The following GLIS3 variants were observed in gnomAD, a reference collection of about 807,000 sequenced individuals.
The protein encoded by GLIS3 is zinc finger protein GLIS3.
A neutral mutation model predicts 78.6 loss-of-function variants in GLIS3; 53 were observed. That is an observed-to-expected ratio of 0.67 (90% CI 0.54 to 0.85). The LOEUF (loss-of-function observed/expected upper bound fraction) is 0.85. Among genes scored for constraint, GLIS3 ranks in the 40% least tolerant of loss-of-function variants. The probability of loss-of-function intolerance (pLI) is 0.00; values close to 1 mark genes in which losing one functional copy is unlikely to be tolerated. For synonymous variants in GLIS3, 684 were observed against 509.9 expected (o/e 1.34, Z -4.60); for missense variants, 1,703 against 1,231.1 (o/e 1.38, Z -5.74).
intron 9 of GLIS3, among the ~76,000 whole-genome samples, chr9:3,846,050 C>A (rs933531174): frequency 7.2e-5 from 11 of 152,340 alleles, no homozygotes; most frequent in African/African-American, 2.6e-4. Flanking sequence ...ATTCACTACA[C>A]TGCCTGACAC....
intron 4 of GLIS3, among the ~76,000 whole-genome samples, chr9:4,101,946 G>A (rs979896544): frequency 1.5e-4 from 23 of 152,158 alleles, no homozygotes; most frequent in African/African-American, 4.6e-4. Flanking sequence ...CTGTAAAACT[G>A]CAAACTTAGA....
chr9:4,115,643 A>G (rs998607963), intron 4 of GLIS3, among the ~76,000 whole-genome samples: 11 of 152,130 alleles, frequency 7.2e-5, no homozygotes, highest in African/African-American at 2.4e-4. Flanking sequence ...CAAGCAGATG[A>G]CAATGTAGCA....
chr9:4,014,902 G>A (rs114728414), intron 4 of GLIS3, among the ~76,000 whole-genome samples: 230 of 152,272 alleles, frequency 1.5e-3, no homozygotes, highest in African/African-American at 5.3e-3. Context: ...CATTCCTTTC[G>A]ACATTCACTG....
chr9:4,403,230 A>C, the GLIS3 span, among the ~76,000 whole-genome samples: 1 of 152,194 alleles, frequency 6.6e-6, no homozygotes, highest in Non-Finnish European at 1.5e-5. Flanking sequence ...TTCAAGCAGT[A>C]AGGAGAAATA....
intron 6 of GLIS3, among the ~76,000 whole-genome samples, chr9:3,930,568 C>T (rs541073931): frequency 1.6e-4 from 25 of 152,228 alleles, no homozygotes; most frequent in African/African-American, 6.0e-4. Context: ...ACAGGAGAAA[C>T]CATTAATAAT....
intron 8 of GLIS3, among the ~76,000 whole-genome samples, chr9:3,877,116 G>A (rs920128205): frequency 5.3e-5 from 8 of 152,168 alleles, no homozygotes; most frequent in African/African-American, 1.7e-4. Flanking sequence ...GGGAGGTTCC[G>A]ATTGATCATT....
chr9:3,984,308 C>T (rs750683097), intron 4 of GLIS3, among the ~76,000 whole-genome samples: 33 of 152,216 alleles, frequency 2.2e-4, no homozygotes, highest in Non-Finnish European at 3.7e-4. Flanking sequence ...CGCTATACCC[C>T]GCAAAGCCAC....
upstream of GLIS3, among the ~76,000 whole-genome samples, chr9:4,352,259 A>G (rs1817981573): frequency 6.6e-6 from 1 of 152,198 alleles, no homozygotes. Context: ...AGGCTAAGTG[A>G]TTTTCTCAAA....
intron 2 of GLIS3, among the ~76,000 whole-genome samples, chr9:4,234,631 A>C (rs890394676): frequency 6.6e-6 from 1 of 152,252 alleles, no homozygotes; most frequent in Non-Finnish European, 1.5e-5. Flanking sequence ...TGTGACACAG[A>C]GACATGAAGT....
intron 2 of GLIS3, among the ~76,000 whole-genome samples, chr9:4,232,937 G>A (rs1046983091): frequency 4.6e-5 from 7 of 152,162 alleles, no homozygotes; most frequent in Admixed American, 6.5e-5. Context: ...TCAGTGTATA[G>A]ACAAAATGTT....
chr9:4,408,614 G>C, the GLIS3 span, among the ~76,000 whole-genome samples: 72,643 of 141,312 alleles, frequency 0.51, 18,950 homozygotes, highest in African/African-American at 0.56. Context: ...GTAGTCCCAG[G>C]TACTCGGGAG....
At chr9:4,487,532 G>A in the GLIS3 span, among the ~76,000 whole-genome samples, 1 of 152,000 alleles carries the variant, frequency 6.6e-6, no homozygotes, top group South Asian at 2.1e-4. Context: ...TTTACCCCGA[G>A]AACCCTAGTG....
intron 2 of GLIS3, among the ~76,000 whole-genome samples, chr9:4,194,111 G>A (rs1262472209): frequency 1.3e-5 from 2 of 152,172 alleles, no homozygotes; most frequent in Non-Finnish European, 1.5e-5. Flanking sequence ...AGGCTGGAGT[G>A]CAGTGGTGCG....
Position 4,117,768 on chromosome 9 carries a change from C to G in GLIS3, c.1710G>C (p.Thr570=), listed in dbSNP as rs746528215. The change falls in exon 4 of 11, where the codon ACG becomes ACC. Residue 570 remains threonine, a splice_region_variant and synonymous_variant. Coordinates refer to ENST00000381971, the MANE Select transcript of GLIS3 (RefSeq NM_001042413.2). ...CACCCCTTGCGCTTCGGAAACTCAC[C>G]GTACACTTGTTGGGCTTCTCCCCAG... ...VHSGEKPNKC[T]FEGCEKAFSR... The G allele has an allele frequency of 6.2e-7, 1 of 1,614,164 alleles. No homozygotes were observed. Among genetic ancestry groups the G allele is most frequent in the South Asian group, 1.1e-5 (1 of 91,086 alleles).
intron 2 of GLIS3, among the ~76,000 whole-genome samples, chr9:4,312,584 C>A (rs1162426402): frequency 6.6e-6 from 1 of 152,228 alleles, no homozygotes; most frequent in Non-Finnish European, 1.5e-5. Context: ...ATATGAAAAA[C>A]AAATCTGCTC....
intron 2 of GLIS3, among the ~76,000 whole-genome samples, chr9:4,328,649 G>C (rs1467871752): frequency 6.6e-6 from 1 of 152,232 alleles, no homozygotes; most frequent in Non-Finnish European, 1.5e-5. Flanking sequence ...CCTGAAGCCA[G>C]AGAGCCTGGG....
At chr9:4,402,157 G>A in the GLIS3 span, among the ~76,000 whole-genome samples, 2 of 152,156 alleles carry the variant, frequency 1.3e-5, no homozygotes, top group Non-Finnish European at 2.9e-5. Context: ...GGCCACAGGG[G>A]TGTTTGCATC....
At chr9:4,461,843 T>C in the GLIS3 span, among the ~76,000 whole-genome samples, 5 of 151,964 alleles carry the variant, frequency 3.3e-5, no homozygotes, top group Admixed American at 6.5e-5. Flanking sequence ...GAACAAGAGA[T>C]AAAAGTTTGT....
intron 4 of GLIS3, among the ~76,000 whole-genome samples, chr9:4,021,032 G>C (rs923788871): frequency 6.6e-6 from 1 of 152,218 alleles, no homozygotes; most frequent in Non-Finnish European, 1.5e-5. Flanking sequence ...AAGACTAACA[G>C]GAACTGAGCA....
Sources: allele counts gnomAD v4.1 joint callset (sites outside exome capture counted in the v4.1 genomes callset), GRCh38; gene constraint gnomAD v4.1.1; transcripts MANE v1.5; gene names NCBI Gene and HGNC (gene_info 2026-07-23, HGNC 2026-07-21).